MSN: variants seen among roughly 807,000 people sequenced by gnomAD.
MSN encodes moesin, also known as epididymis luminal protein 70.
A neutral mutation model predicts 48.0 loss-of-function variants in MSN; 2 were observed. The ratio of observed to expected loss-of-function variants is 0.04; its 90% CI spans 0.02 to 0.13. MSN has a LOEUF of 0.13. Ranked by LOEUF, MSN falls within the 10% of genes least tolerant of loss-of-function variation. The probability of loss-of-function intolerance (pLI) is 1.00; values close to 1 mark genes in which losing one functional copy is unlikely to be tolerated. For missense variants in MSN, 267 were observed against 470.1 expected, an observed-to-expected ratio of 0.57 and a Z score of 3.99; for synonymous variants, 146 against 166.9, an observed-to-expected ratio of 0.87 and a Z score of 0.97.
intron 1 of MSN, among the ~76,000 whole-genome samples, chrX:65,621,549 A>C (rs1234607514): frequency 9.0e-6 from 1 of 111,624 alleles, no homozygotes; most frequent in Non-Finnish European, 1.9e-5. Context: ...AATGTCCTCC[A>C]ACTTTCTTCA....
At chrX:65,634,635 TA>T (rs1357562602) in intron 1 of MSN, among the ~76,000 whole-genome samples, 1 of 110,912 alleles carries the variant, frequency 9.0e-6, no homozygotes, top group African/African-American at 3.3e-5. Flanking sequence ...AAATAAAAAA[TA>T]AAAAAAAGCC....
At chrX:65,636,707 A>G (rs2070602726) in intron 1 of MSN, among the ~76,000 whole-genome samples, 1 of 82,135 alleles carries the variant, frequency 1.2e-5, no homozygotes. Context: ...AGATCTCGCT[A>G]TTGCACTCCG....
At chrX:65,682,042 G>A (rs1011082889) in intron 1 of MSN, among the ~76,000 whole-genome samples, 1 of 111,910 alleles carries the variant, frequency 8.9e-6, no homozygotes, top group African/African-American at 3.3e-5. Context: ...TGGGGAGGGA[G>A]GGGCCACCAT....
rs761857454 is a variant in MSN, at chrX:65,702,664, T to TAAAAC, written c.13-14129_13-14125dup. Reference sequence around the variant, plus strand: ...CTGGGTGACAGAGTGAGACTCTGTCTAAAACAAAACAAAACAAAACAAAAC... The same window carrying TAAAAC: ...CTGGGTGACAGAGTGAGACTCTGTCTAAAACAAAACAAAACAAAACAAAACAAAAC... On this transcript the variant is annotated intron_variant, in intron 1 of 12. Transcript: ENST00000360270. Among the ~76,000 whole-genome samples, 352 of 109,024 alleles carry TAAAAC rather than the reference T, an allele frequency of 3.2e-3. 5 individuals are homozygous for TAAAAC. Among genetic ancestry groups the TAAAAC allele is most frequent in the African/African-American group, 0.011 (330 of 28,762 alleles). 94.7% of individuals were successfully genotyped at this position (109,024 alleles called of 115,157 possible). A position where few individuals can be genotyped will look rare whatever the true frequency, so the allele number is the denominator to read the frequency against.
chrX:65,685,019 G>A (rs1313653050), intron 1 of MSN, among the ~76,000 whole-genome samples: 1 of 112,725 alleles, frequency 8.9e-6, no homozygotes, highest in Non-Finnish European at 1.9e-5. Flanking sequence ...GATTAAAGGC[G>A]TGAGCCACCA....
At chrX:65,703,917 T>C (rs1184859934) in intron 1 of MSN, among the ~76,000 whole-genome samples, 1 of 112,007 alleles carries the variant, frequency 8.9e-6, no homozygotes, top group Non-Finnish European at 1.9e-5. Flanking sequence ...CCCCTGCAAC[T>C]GCATATTTGA....
chrX:65,718,818 T>TAAAAAAAAAAA (rs55726908), intron 2 of MSN, among the ~76,000 whole-genome samples: 12 of 75,148 alleles, frequency 1.6e-4, no homozygotes, highest in African/African-American at 5.3e-4. Context: ...ACTCTGTCTC[T>TAAAAAAAAAAA]AAAAAAAAAA....
Position 65,735,318 on chromosome X carries a change from T to G in MSN, c.847T>G (p.Leu283Val). The change falls in exon 8 of 13, where the codon TTG (leucine) becomes GTG (valine). Residue 283 changes from leucine (L) to valine (V), a missense_variant. Physicochemically the swap from Leu to Val is conservative, Grantham distance 32. Around this residue, in one of 5 missense-constraint regions of MSN, gnomAD observed 58 missense variants for 104.6 expected, o/e 0.55. Coordinates refer to ENST00000360270, the MANE Select transcript of MSN (RefSeq NM_002444.3). ...RLRINKRILA[L>V]CMGNHELYMR... ...GCGGATTAACAAGCGGATCTTGGCC[T>G]TGTGCATGGGGAACCATGAACTATA... The G allele has an allele frequency of 8.3e-7, 1 of 1,210,951 alleles. No individual in the cohort carries two copies. The highest frequency in any genetic ancestry group is 2.4e-4 in the Middle Eastern group (1 of 4,161).
chrX:65,669,210 G>C (rs2070906099), intron 1 of MSN, among the ~76,000 whole-genome samples: 1 of 111,351 alleles, frequency 9.0e-6, no homozygotes, highest in South Asian at 3.8e-4. Flanking sequence ...CGCCCCCAAA[G>C]AGAGAGAGTA....
In MSN at chrX:65,738,655, G is replaced by C. The variant is rs369423074; in HGVS notation, c.1344+38G>C. 1.2e-3 allele frequency: 1,363 copies of C among 1,131,877 alleles called. 1 individual carries two copies. The highest frequency in any genetic ancestry group is 1.5e-3 in the Non-Finnish European group (1,246 of 832,471). The allele number at this position is 1,131,877 out of a possible 1,213,427, so 93.3% of individuals were successfully genotyped here. ...GCCTAAAGCAAAGCATTGAAGGAAT[G>C]GGTGCCATATGCATAGGTAACAGCT... On this transcript the variant is annotated intron_variant, in intron 11 of 12. Coordinates refer to ENST00000360270, the MANE Select transcript of MSN (RefSeq NM_002444.3).
rs2071719872 is a variant in MSN, at chrX:65,740,017, C to T, written c.*124C>T. On this transcript the variant is annotated 3_prime_UTR_variant, in exon 13 of 13. Transcript: ENST00000360270. ...AGAGCAGCCCTGGAGTCATGCCAAGCATTTAATGTAGCCATGGGACCAAAC... is the reference window on the plus strand; with the variant it reads ...AGAGCAGCCCTGGAGTCATGCCAAGTATTTAATGTAGCCATGGGACCAAAC... 2.6e-6 allele frequency: 2 copies of T among 781,633 alleles called. No homozygotes were observed. The highest frequency in any genetic ancestry group is 4.2e-5 in the African/African-American group (2 of 47,811). The allele number at this position is 781,633 out of a possible 1,213,427, so 64.4% of individuals were successfully genotyped here.
intron 1 of MSN, among the ~76,000 whole-genome samples, chrX:65,649,623 GTA>G (rs1175217881): frequency 1.9e-5 from 2 of 102,742 alleles, no homozygotes; most frequent in African/African-American, 7.2e-5. Context: ...GTGTGTGTGT[GTA>G]TGCGCGTGTG....
chrX:65,650,052 C>CTTTT (rs59222247), intron 1 of MSN, among the ~76,000 whole-genome samples: 58 of 53,188 alleles, frequency 1.1e-3, no homozygotes, highest in African/African-American at 4.0e-3. Flanking sequence ...CCTTTTTTCT[C>CTTTT]TTTTTTTTTT....
chrX:65,659,695 T>G (rs2070808126), intron 1 of MSN, among the ~76,000 whole-genome samples: 2 of 111,642 alleles, frequency 1.8e-5, no homozygotes, highest in Non-Finnish European at 3.8e-5. Flanking sequence ...CTGCTCATAT[T>G]GGCCCTCATT....
intron 1 of MSN, among the ~76,000 whole-genome samples, chrX:65,692,605 A>T (rs1326324860): frequency 4.4e-5 from 5 of 112,614 alleles, no homozygotes; most frequent in African/African-American, 1.6e-4. Flanking sequence ...TGCCTGTTGG[A>T]CCAGTTTTTG....
intron 1 of MSN, among the ~76,000 whole-genome samples, chrX:65,668,844 C>T (rs1447476376): frequency 2.7e-5 from 3 of 112,117 alleles, no homozygotes; most frequent in East Asian, 5.6e-4. Flanking sequence ...GCTTGAGTCC[C>T]TTAGGCCAAA....
rs146859495 is a variant in MSN, at chrX:65,650,296, C to T, written c.-22+61684C>T. On this transcript the variant is annotated intron_variant, in intron 1 of 3. Transcript: ENST00000609672. ...AGAGACAGGGTTTTGCCATGTTGGC[C>T]AGGCTGGTCTCGAACACTTGGCTTC... Among the ~76,000 whole-genome samples, 61 of 111,534 alleles carry T rather than the reference C, an allele frequency of 5.5e-4. 1 individual carries two copies. Among genetic ancestry groups the T allele is most frequent in the African/African-American group, 2.0e-3 (61 of 30,634 alleles).
intron 1 of MSN, among the ~76,000 whole-genome samples, chrX:65,693,958 C>T (rs1026945205): frequency 8.1e-5 from 9 of 110,516 alleles, no homozygotes; most frequent in Non-Finnish European, 1.7e-4. Context: ...GAGGCTGAGG[C>T]AGGAGAATCG....
chrX:65,654,009 C>G (rs948363407), intron 1 of MSN, among the ~76,000 whole-genome samples: 4 of 110,008 alleles, frequency 3.6e-5, no homozygotes, highest in Non-Finnish European at 5.7e-5. Flanking sequence ...CTCCTGACCT[C>G]AGGTGATCCG....
Sources: allele counts gnomAD v4.1 joint callset (sites outside exome capture counted in the v4.1 genomes callset), GRCh38; gene constraint gnomAD v4.1.1; regional missense constraint gnomAD v4.1.1; transcripts MANE v1.5; gene names NCBI Gene and HGNC (gene_info 2026-07-23, HGNC 2026-07-21).